Variants in KANK2 observed in about 807,000 individuals in gnomAD.
KANK2 encodes the protein KN motif and ankyrin repeat domain-containing protein 2.
Under a neutral mutation model 74.6 loss-of-function variants are expected in KANK2, and 41 were observed. That is an observed-to-expected ratio of 0.55 (90% CI 0.43 to 0.71). The LOEUF is 0.71. KANK2 is among the 30% of genes least tolerant of loss of function. KANK2 has a pLI of 0.00. For missense variants in KANK2, 1,148 were observed against 1,196.4 expected (o/e 0.96, Z 0.60); for synonymous variants, 537 against 519.0 (o/e 1.03, Z -0.47).
At chr19:11,176,316 A>G (rs1369599250) in intron 7 of KANK2, among the ~76,000 whole-genome samples, 1 of 152,228 alleles carries the variant, frequency 6.6e-6, no homozygotes, top group Non-Finnish European at 1.5e-5. Flanking sequence ...GAAACGTCCC[A>G]AAGTAGGTGG....
rs901940018 is a variant in KANK2 at position 11,182,906 on chromosome 19, C to T, written c.1250-4186G>A. 4.7e-4 allele frequency among the ~76,000 whole-genome samples: 72 copies of T among 151,608 alleles called. 1 individual carries two copies. The Middle Eastern group carries it at 0.01, about 22-fold the overall frequency. ...ACTAGAGCAGAACCAAAGCCCACTC[C>T]GCCCCAACAGAAAAGCAGGCAGTGA... On this transcript the variant is annotated intron_variant, in intron 4 of 12. Coordinates refer to ENST00000586659, the MANE Select transcript of KANK2 (RefSeq NM_001136191.3).
In KANK2 at chr19:11,170,656, C is replaced by T. The variant is rs537959992; in HGVS notation, c.2212-408G>A. 3.7e-3 allele frequency among the ~76,000 whole-genome samples: 570 copies of T among 152,290 alleles called. 6 individuals are homozygous for T. The highest frequency in any genetic ancestry group is 0.013 in the African/African-American group (540 of 41,560). On this transcript the variant is annotated intron_variant, in intron 10 of 12. Transcript: ENST00000586659. The surrounding 1 kb of genome is among the most constrained non-coding windows in gnomAD (Gnocchi z 5.2). ...CCAGGTTGGCGTGCAGTGGCACGATCGCAGCTCACTGCAGCCTCAACCTCC... is the reference window on the plus strand; with the variant it reads ...CCAGGTTGGCGTGCAGTGGCACGATTGCAGCTCACTGCAGCCTCAACCTCC...
At position 11,174,620 on chromosome 19, in the gene KANK2, C is replaced by T. The variant is rs1247188046; in HGVS notation, c.1921G>A (p.Val641Met). 1 of 1,612,586 alleles carries T rather than the reference C, an allele frequency of 6.2e-7. No individual in the cohort carries two copies. Among genetic ancestry groups the T allele is most frequent in the South Asian group, 1.1e-5 (1 of 90,964 alleles). ...ACRSDAHPEL[V>M]RRHLVTFRAM... ...CGGAACGTGACCAGGTGCCGCCGCA[C>T]CAGCTCGGGGTGTGCGTCGCTGCGG... The change falls in exon 9 of 13, where the codon GTG becomes ATG. Residue 641 changes from valine to methionine, a missense_variant. Physicochemically the swap from Val to Met is conservative, Grantham distance 21. Transcript: ENST00000586659.
At chr19:11,179,150 C>T (rs968699) in intron 4 of KANK2, among the ~76,000 whole-genome samples, 108,300 of 151,542 alleles carry the variant, frequency 0.71, 39,220 homozygotes, top group African/African-American at 0.81. Flanking sequence ...ATCCCGTCTC[C>T]ACTAAAAATA....
chr19:11,164,270 TCAA>T lies in KANK2; in HGVS notation c.*2285_*2287del, dbSNP rs1477412205. ...CGAAAAAAGAAAAGACACAGAATCA[TCAA>T]CATTATTGGTAGCTTTATTAAATTT... On this transcript the variant is annotated 3_prime_UTR_variant, in exon 13 of 13. Transcript: ENST00000586659. 8 of 151,978 alleles carry T rather than the reference TCAA, an allele frequency of 5.3e-5. No homozygotes were observed. The highest frequency in any genetic ancestry group is 5.3e-4 in the Admixed American group (8 of 15,216). 9.4% of individuals were successfully genotyped at this position (151,978 alleles called of 1,614,324 possible). A position where few individuals can be genotyped will look rare whatever the true frequency, so the allele number is the denominator to read the frequency against.
rs553524694 is a variant in KANK2, at chr19:11,192,391, T to C, written c.1249+440A>G. 2.3e-4 allele frequency: 60 copies of C among 263,190 alleles called. No homozygotes were observed. In the East Asian group the frequency reaches 3.9e-3, roughly 17 times the overall value. 16.3% of individuals were successfully genotyped at this position (263,190 alleles called of 1,614,324 possible). A position where few individuals can be genotyped will look rare whatever the true frequency, so the allele number is the denominator to read the frequency against. On this transcript the variant is annotated intron_variant, in intron 4 of 12. Transcript: ENST00000586659. ...AGACTCTAAGAGTTGGACTGATGTG[T>C]CTGGTGGAAGGTCGGGGGCTGGGGC...
At position 11,166,570 on chromosome 19, in the gene KANK2, C is replaced by G. The variant is rs772013085; in HGVS notation, c.2544G>C (p.Ser848=). The G allele has an allele frequency of 7.4e-6, 12 of 1,614,016 alleles. No individual in the cohort carries two copies. In the African/African-American group the frequency reaches 1.5e-4, roughly 20 times the overall value. The change falls in exon 13 of 13, where the codon TCG becomes TCC. Residue 848 remains serine (S), a synonymous_variant. Transcript: ENST00000586659. ...GCCTCCCTCACGGCTACTCTTCTGC[C>G]GAGGATGATGTAGGGCTCTCGTCAT... ...MSDDESPTSS[S]AEE is the part of the protein sequence containing the mutation.
chr19:11,193,535 G>T lies in KANK2; in HGVS notation c.545C>A (p.Ala182Asp). Residue 182 changes from alanine to aspartate, a missense_variant, in exon 4 of 13, where the codon GCC becomes GAC. By Grantham distance (126) the Ala-to-Asp change is moderately radical. Coordinates refer to ENST00000586659, the MANE Select transcript of KANK2 (RefSeq NM_001136191.3). The surrounding 1 kb of genome is among the most constrained non-coding windows in gnomAD (Gnocchi z 9.6). ...CTCCCGCACGTGGGCCAGGTGCCCG[G>T]CACTGGGAGGCACCGGTGTGGACAG... ...SGLSTPVPPS[A>D]GHLAHVREQM... 1 of 1,606,100 alleles carries T rather than the reference G, an allele frequency of 6.2e-7. No homozygotes were observed.
chr19:11,193,161 G>T lies in KANK2; in HGVS notation c.919C>A (p.Gln307Lys). Residue 307 changes from glutamine (Q) to lysine (K), a missense_variant, in exon 4 of 13, where the codon CAG becomes AAG. Transcript: ENST00000586659. The surrounding 1 kb of genome is among the most constrained non-coding windows in gnomAD (Gnocchi z 9.6). ...GGCTGGGGGTCAGCCTGCCGGGCCTGAGCTGCCTGCAGCTCCTGCAGCGCC... is the reference window on the plus strand; with the variant it reads ...GGCTGGGGGTCAGCCTGCCGGGCCTTAGCTGCCTGCAGCTCCTGCAGCGCC... ...KKALQELQAA[Q>K]ARQADPQPQA... The T allele has an allele frequency of 6.2e-7, 1 of 1,610,204 alleles. No homozygotes were observed.
At chr19:11,191,350 A>C (rs188647595) in intron 4 of KANK2, among the ~76,000 whole-genome samples, 1 of 152,168 alleles carries the variant, frequency 6.6e-6, no homozygotes, top group Non-Finnish European at 1.5e-5. Flanking sequence ...AGCTGTCATT[A>C]TTATGAGTCA....
At position 11,174,635 on chromosome 19, in the gene KANK2, C is replaced by T. The variant is rs1158675325; in HGVS notation, c.1906G>A (p.Ala636Thr). The change falls in exon 9 of 13, where the codon GCA becomes ACA. Residue 636 changes from alanine (A) to threonine (T), a missense_variant. Transcript: ENST00000586659. ...EWLRLACRSDAHPELVRRHLV... is the reference protein window; with the variant it reads ...EWLRLACRSDTHPELVRRHLV... ...TGCCGCCGCACCAGCTCGGGGTGTG[C>T]GTCGCTGCGGCAGGCCAGGCGCAGC... The T allele has an allele frequency of 1.4e-5, 23 of 1,611,290 alleles. No homozygotes were observed. The highest frequency in any genetic ancestry group is 1.9e-5 in the Non-Finnish European group (22 of 1,179,324).
intron 9 of KANK2, among the ~76,000 whole-genome samples, chr19:11,173,680 C>T (rs1600808661): frequency 1.3e-5 from 2 of 152,196 alleles, no homozygotes. Context: ...AGGTAGGGCC[C>T]GTGCCTCCCC....
chr19:11,177,228 A>G (rs1209869606), intron 6 of KANK2, among the ~76,000 whole-genome samples: 1 of 151,362 alleles, frequency 6.6e-6, no homozygotes, highest in Non-Finnish European at 1.5e-5. Context: ...CTGGGACTAC[A>G]GGTTTGCACC....
Position 11,174,520 on chromosome 19 carries a change from G to C in KANK2, c.2021C>G (p.Ser674Cys). The change falls in exon 9 of 13, where the codon TCC becomes TGC. Residue 674 changes from serine to cysteine, a missense_variant. Ser to Cys is a moderately radical substitution (Grantham distance 112). Transcript: ENST00000586659. ...DSNGNTALHY[S>C]VSHANFPVVQ... ...CACGGGGAAGTTGGCATGAGACACG[G>C]AGTAGTGCAGGGCTGTGTTGCCGTT... is the stretch of plus-strand genomic sequence containing the variant. 3 of 1,613,610 alleles carry C rather than the reference G, an allele frequency of 1.9e-6. No individual in the cohort carries two copies. Among genetic ancestry groups the C allele is most frequent in the Non-Finnish European group, 2.5e-6 (3 of 1,179,826 alleles).
chr19:11,190,639 G>A (rs1204397550), intron 4 of KANK2, among the ~76,000 whole-genome samples: 2 of 152,156 alleles, frequency 1.3e-5, no homozygotes, highest in African/African-American at 4.8e-5. Flanking sequence ...GGGACGTTTA[G>A]GGCTAGAGAG....
At chr19:11,166,988 G>C (rs996386946) in intron 12 of KANK2, among the ~76,000 whole-genome samples, 4 of 152,210 alleles carry the variant, frequency 2.6e-5, no homozygotes, top group African/African-American at 9.6e-5. Context: ...AGTGTGGCTA[G>C]AGGGGGAGAG....
intron 1 of KANK2, chr19:11,196,036 A>G (rs1414045295): frequency 6.6e-6 from 1 of 152,320 alleles, no homozygotes; most frequent in African/African-American, 2.4e-5. Flanking sequence ...TAGTATAGTA[A>G]CAGTAATACT....
Position 11,178,617 on chromosome 19 carries a change from C to G in KANK2, c.1353G>C (p.Glu451Asp). 1 of 1,599,362 alleles carries G rather than the reference C, an allele frequency of 6.3e-7. No homozygotes were observed. Among genetic ancestry groups the G allele is most frequent in the Non-Finnish European group, 8.5e-7 (1 of 1,174,458 alleles). Reference protein sequence around the residue: ...EKSTGRVPTQEPTHREPTRQA... With the variant: ...EKSTGRVPTQDPTHREPTRQA... ...GCCTGGTGGGCTCCCTGTGGGTGGG[C>G]TCCTGGGTGGGCACTCGGCCTGTGC... The change falls in exon 5 of 13, where the codon GAG (glutamate) becomes GAC (aspartate). Residue 451 changes from glutamate (E) to aspartate (D), a missense_variant. Coordinates refer to ENST00000586659, the MANE Select transcript of KANK2 (RefSeq NM_001136191.3).
chr19:11,175,771 T>C, intron 8 of KANK2, 131 bp downstream of exon 8: 1 of 603,648 alleles, frequency 1.7e-6, no homozygotes, highest in Non-Finnish European at 2.9e-6. Flanking sequence ...ACCACCCCCA[T>C]GCTCTGGGCT....
Sources: allele counts gnomAD v4.1 joint callset (sites outside exome capture counted in the v4.1 genomes callset), GRCh38; gene constraint gnomAD v4.1.1; non-coding constraint Gnocchi (gnomAD v3.1); transcripts MANE v1.5; gene names NCBI Gene and HGNC (gene_info 2026-07-23, HGNC 2026-07-21).